TIMD4: variants seen among roughly 807,000 people sequenced by gnomAD.
TIMD4 encodes the protein T-cell immunoglobulin and mucin domain-containing protein 4.
In TIMD4, 31 loss-of-function variants were observed where a neutral mutation model predicts 41.2. That is an observed-to-expected ratio of 0.75 (90% CI 0.57 to 1.01). The LOEUF (loss-of-function observed/expected upper bound fraction) is 1.01. TIMD4 is among the 50% of genes least tolerant of loss of function. The pLI is 0.00. For synonymous variants in TIMD4, 204 were observed against 177.1 expected (o/e 1.15, Z -1.21); for missense variants, 479 against 472.5 (o/e 1.01, Z -0.13).
chr5:156,948,353 A>T (rs1759784767), intron 5 of TIMD4, 63 bp downstream of exon 5: 1 of 923,614 alleles, frequency 1.1e-6, no homozygotes, highest in Non-Finnish European at 1.4e-6. Context: ...GATTCTGTCT[A>T]AAAAAAATAA....
intron 3 of TIMD4, among the ~76,000 whole-genome samples, chr5:156,949,965 C>T (rs573313101): frequency 6.6e-6 from 1 of 152,156 alleles, no homozygotes; most frequent in Non-Finnish European, 1.5e-5. Flanking sequence ...TTACAGGTAC[C>T]CGCCACCATG....
chr5:156,946,106 C>T (rs1759734904), intron 5 of TIMD4, among the ~76,000 whole-genome samples: 1 of 152,228 alleles, frequency 6.6e-6, no homozygotes, highest in Non-Finnish European at 1.5e-5. Context: ...GTAAACATCA[C>T]ATGACCTCTT....
chr5:156,920,919 A>C (rs1561542733), intron 7 of TIMD4, among the ~76,000 whole-genome samples: 1 of 152,190 alleles, frequency 6.6e-6, no homozygotes, highest in Non-Finnish European at 1.5e-5. Context: ...CAGGTGTTGA[A>C]ATATACAAGT....
chr5:156,959,125 T>A (rs1760034285), intron 1 of TIMD4, among the ~76,000 whole-genome samples: 1 of 152,136 alleles, frequency 6.6e-6, no homozygotes, highest in South Asian at 2.1e-4. Flanking sequence ...CAAAGGGCAT[T>A]TGGCTTTATA....
Position 156,949,694 on chromosome 5 carries a change from A to T in TIMD4, c.717T>A (p.Ser239Arg). 2 of 1,613,608 alleles carry T rather than the reference A, an allele frequency of 1.2e-6. No individual in the cohort carries two copies. Among genetic ancestry groups the T allele is most frequent in the Middle Eastern group, 1.7e-4 (1 of 6,052 alleles). Residue 239 changes from serine (S) to arginine (R), a missense_variant, in exon 4 of 9, where the codon AGT becomes AGA. By Grantham distance (110) the Ser-to-Arg change is moderately radical. Transcript: ENST00000274532. Reference protein sequence around the residue: ...ETVLPSDSWSSVESTSADTVL... With the variant: ...ETVLPSDSWSRVESTSADTVL... Reference sequence around the variant, plus strand: ...CAGTGTCAGCAGAAGTAGACTCAACACTACTCCAGGAATCACTGGGGAGGA... The same window carrying T: ...CAGTGTCAGCAGAAGTAGACTCAACTCTACTCCAGGAATCACTGGGGAGGA...
At chr5:156,954,248 C>T (rs1316748010) in intron 2 of TIMD4, among the ~76,000 whole-genome samples, 167 bp downstream of exon 2, 2 of 152,186 alleles carry the variant, frequency 1.3e-5, no homozygotes, top group Non-Finnish European at 2.9e-5. Flanking sequence ...TCTGTGGCTG[C>T]TTTTGTATTT....
At chr5:156,937,614 C>G (rs917094943) in intron 5 of TIMD4, among the ~76,000 whole-genome samples, 1 of 152,136 alleles carries the variant, frequency 6.6e-6, no homozygotes, top group African/African-American at 2.4e-5. Context: ...CTTTTTCACT[C>G]TTTGTTTGTC....
intron 1 of TIMD4, among the ~76,000 whole-genome samples, chr5:156,955,322 G>T (rs1759951829): frequency 6.6e-6 from 1 of 152,088 alleles, no homozygotes; most frequent in African/African-American, 2.4e-5. Context: ...ATAATCAGGT[G>T]GGCTGTTTTC....
intron 4 of TIMD4, 148 bp downstream of exon 4, chr5:156,949,503 G>T: frequency 1.5e-6 from 1 of 650,138 alleles, no homozygotes; most frequent in Middle Eastern, 2.8e-4. Context: ...TACAAAGGCT[G>T]CCTTGAGGCC....
chr5:156,958,696 A>G (rs1760025056), intron 1 of TIMD4, among the ~76,000 whole-genome samples: 1 of 152,236 alleles, frequency 6.6e-6, no homozygotes, highest in South Asian at 2.1e-4. Flanking sequence ...TAGCAATTTC[A>G]CGTTTGTTAT....
intron 2 of TIMD4, among the ~76,000 whole-genome samples, 177 bp from the exon 3 acceptor site, chr5:156,951,967 T>C (rs1759869952): frequency 6.6e-6 from 1 of 152,094 alleles, no homozygotes; most frequent in Non-Finnish European, 1.5e-5. Context: ...TTCCTTCCAA[T>C]CTATTCTTCA....
chr5:156,953,596 G>A (rs1292093576), intron 2 of TIMD4, among the ~76,000 whole-genome samples: 1 of 142,452 alleles, frequency 7.0e-6, no homozygotes, highest in Non-Finnish European at 1.5e-5. Flanking sequence ...AGAGGTTGCA[G>A]TGAGATGAAA....
intron 4 of TIMD4, among the ~76,000 whole-genome samples, chr5:156,948,810 G>A (rs527447552): frequency 6.2e-4 from 94 of 152,256 alleles, no homozygotes; most frequent in Non-Finnish European, 1.0e-3. Context: ...AAGTGAAGCC[G>A]GAGCACCCAC....
At position 156,957,857 on chromosome 5, in the gene TIMD4, G is replaced by T. The variant is rs181942328; in HGVS notation, c.59-3101C>A. Among the ~76,000 whole-genome samples, 23 of 152,180 alleles carry T rather than the reference G, an allele frequency of 1.5e-4. No homozygotes were observed. In the East Asian group the frequency reaches 3.3e-3, roughly 22 times the overall value. ...AAGAAAGAAAAAAGAAAAAATAGAT[G>T]ATCTTGTTCCTATGAATATTTGGTA... On this transcript the variant is annotated intron_variant, in intron 1 of 8. Transcript: ENST00000274532.
intron 5 of TIMD4, among the ~76,000 whole-genome samples, chr5:156,928,098 G>A (rs930331116): frequency 6.6e-6 from 1 of 152,138 alleles, no homozygotes; most frequent in East Asian, 1.9e-4. Context: ...GAGGTCAAGA[G>A]ATCAAGACCA....
chr5:156,932,529 T>A (rs772872088), intron 5 of TIMD4, among the ~76,000 whole-genome samples: 1 of 152,166 alleles, frequency 6.6e-6, no homozygotes, highest in Non-Finnish European at 1.5e-5. Flanking sequence ...AACAAAGGCC[T>A]GCGAGGGTTA....
chr5:156,940,088 C>T (rs1431799091), intron 5 of TIMD4, among the ~76,000 whole-genome samples: 5 of 152,260 alleles, frequency 3.3e-5, no homozygotes, highest in African/African-American at 9.6e-5. Flanking sequence ...TGCTGAGTGC[C>T]TGGGATTGCA....
At chr5:156,940,337 C>T (rs953759980) in intron 5 of TIMD4, among the ~76,000 whole-genome samples, 2 of 152,238 alleles carry the variant, frequency 1.3e-5, no homozygotes, top group Non-Finnish European at 2.9e-5. Context: ...CTGCCTTGGC[C>T]TCCCAAAGTG....
chr5:156,951,273 G>A (rs1759847364), intron 3 of TIMD4, among the ~76,000 whole-genome samples: 1 of 152,162 alleles, frequency 6.6e-6, no homozygotes, highest in Non-Finnish European at 1.5e-5. Flanking sequence ...AGAGGACTTA[G>A]AAGAAACCAA....
Sources: allele counts gnomAD v4.1 joint callset (sites outside exome capture counted in the v4.1 genomes callset), GRCh38; gene constraint gnomAD v4.1.1; transcripts MANE v1.5; gene names NCBI Gene and HGNC (gene_info 2026-07-23, HGNC 2026-07-21).